SS18: variants seen among roughly 807,000 people sequenced by gnomAD.
SS18 encodes the protein SS18 subunit of BAF chromatin remodeling complex, also known as protein SSXT.
In SS18, 28 loss-of-function variants were observed where a neutral mutation model predicts 72.5. That is an observed-to-expected ratio of 0.39 (90% CI 0.29 to 0.53). The LOEUF (loss-of-function observed/expected upper bound fraction) is 0.53. Ranked by LOEUF, SS18 falls within the 20% of genes least tolerant of loss-of-function variation. The pLI, the probability that SS18 is intolerant of heterozygous loss-of-function variation, is 0.76. For synonymous variants in SS18, 172 were observed against 164.2 expected (o/e 1.05, Z -0.37); for missense variants, 518 against 535.3 (o/e 0.97, Z 0.32).
chr18:26,082,702 TGTA>T (rs1398709506), intron 2 of SS18, among the ~76,000 whole-genome samples: 5 of 152,116 alleles, frequency 3.3e-5, no homozygotes, highest in Non-Finnish European at 7.4e-5. Flanking sequence ...GACTCATGAG[TGTA>T]ATATTTGAAT....
chr18:26,024,740 G>C (rs1041709374), intron 10 of SS18, among the ~76,000 whole-genome samples: 1 of 151,978 alleles, frequency 6.6e-6, no homozygotes, highest in Admixed American at 6.6e-5. Context: ...TCAAAGGAAG[G>C]CAGAAAAAGA....
intron 3 of SS18, among the ~76,000 whole-genome samples, chr18:26,071,590 G>C (rs1277158702): frequency 6.6e-6 from 1 of 152,146 alleles, no homozygotes; most frequent in East Asian, 1.9e-4. Context: ...CAGAACTTTG[G>C]GAGGCCAAGG....
rs746430024 is a variant in SS18 at position 26,035,133 on chromosome 18, G to T, written c.974-6C>A. On this transcript the variant is annotated splice_polypyrimidine_tract_variant and splice_region_variant and intron_variant, in intron 8 of 10. Transcript: ENST00000415083. This position sits in a 1 kb window ranked among gnomAD's most constrained non-coding sequence, Gnocchi z 4.4. ...TTGGCCATACTGTGAATTTCCTACA[G>T]GATAATTGGAGAAGAGGAAAAAAAA... 3 of 1,611,334 alleles carry T rather than the reference G, an allele frequency of 1.9e-6. No homozygotes were observed. The South Asian group carries it at 3.3e-5, about 18-fold the overall frequency.
Position 26,030,923 on chromosome 18 carries a change from C to A in SS18, c.1230+1476G>T, listed in dbSNP as rs994228803. Among the ~76,000 whole-genome samples the A allele has an allele frequency of 3.9e-5, 6 of 152,068 alleles. No individual in the cohort carries two copies. In the East Asian group the frequency reaches 9.6e-4, roughly 24 times the overall value. Reference sequence around the variant, plus strand: ...TCAGAAATATAGAAACTAAAGAAGACCATCTAAAAATGAAAAAGGAAAATG... The same window carrying A: ...TCAGAAATATAGAAACTAAAGAAGAACATCTAAAAATGAAAAAGGAAAATG... On this transcript the variant is annotated intron_variant, in intron 10 of 10. Transcript: ENST00000415083.
At chr18:26,037,931 C>A (rs943682136) in intron 7 of SS18, among the ~76,000 whole-genome samples, 1 of 151,942 alleles carries the variant, frequency 6.6e-6, no homozygotes, top group Non-Finnish European at 1.5e-5. Flanking sequence ...TTTTCACAAG[C>A]CACTTTCTAC....
At chr18:26,087,433 T>C (rs1029530503) in intron 2 of SS18, 68 bp downstream of exon 2, 4 of 820,724 alleles carry the variant, frequency 4.9e-6, no homozygotes, top group Non-Finnish European at 8.2e-6. Flanking sequence ...AATAAAGCTG[T>C]TAGTAAAAAG....
chr18:26,064,322 G>A (rs2054175634), intron 3 of SS18, among the ~76,000 whole-genome samples: 1 of 151,900 alleles, frequency 6.6e-6, no homozygotes, highest in Non-Finnish European at 1.5e-5. Flanking sequence ...ACCTGACAAG[G>A]ACATAAGGAA....
At position 26,027,676 on chromosome 18, in the gene SS18, A is replaced by T. The variant is rs1443187187; in HGVS notation, c.1230+4723T>A. 2.7e-4 allele frequency among the ~76,000 whole-genome samples: 25 copies of T among 93,814 alleles called. 1 individual carries two copies. Among genetic ancestry groups the T allele is most frequent in the African/African-American group, 1.7e-3 (22 of 13,266 alleles). The allele number at this position is 93,814 out of a possible 152,430, so 61.5% of individuals were successfully genotyped here. A position where few individuals can be genotyped will look rare whatever the true frequency, so the allele number is the denominator to read the frequency against. ...GTGACAGAGCGAGACTCATCTAAAA[A>T]AAAAAAAAAAAAAAAAAAAAAAAAA... On this transcript the variant is annotated intron_variant, in intron 10 of 10. Coordinates refer to ENST00000415083, the MANE Select transcript of SS18 (RefSeq NM_001007559.3).
chr18:26,075,547 T>C (rs1032439919), intron 3 of SS18, among the ~76,000 whole-genome samples: 1 of 151,944 alleles, frequency 6.6e-6, no homozygotes, highest in African/African-American at 2.4e-5. Context: ...AACATATAAA[T>C]TTTTACTTAG....
intron 7 of SS18, among the ~76,000 whole-genome samples, chr18:26,037,837 A>G (rs564777429): frequency 6.6e-6 from 1 of 152,154 alleles, no homozygotes; most frequent in Non-Finnish European, 1.5e-5. Flanking sequence ...AAAATTGATG[A>G]AACTGTACTG....
intron 1 of SS18, among the ~76,000 whole-genome samples, chr18:26,088,767 G>C (rs2054661874): frequency 2.0e-5 from 3 of 151,978 alleles, no homozygotes; most frequent in Admixed American, 1.3e-4. Flanking sequence ...CACCCTACCA[G>C]TATTCAAAAG....
Position 26,035,849 on chromosome 18 carries a change from G to A in SS18, c.955C>T (p.Gln319Ter). Residue 319 changes from glutamine (Q) to a stop codon, truncating the protein, a stop_gained, in exon 8 of 11, where the codon CAA becomes TAA. Transcript: ENST00000415083. LOFTEE classifies it high-confidence loss of function. This position sits in a 1 kb window ranked among gnomAD's most constrained non-coding sequence, Gnocchi z 4.4. ...GYDRPYEDSS[Q>*]HYYEGGNSQY... The stretch of plus-strand genomic sequence containing the variant: ...TAGATACCTCCTTCGTAGTAATGTT[G>A]TGAGGAATCCTCATAAGGCCTATCG... 6.3e-7 allele frequency: 1 copy of A among 1,599,868 alleles called. No individual in the cohort carries two copies.
intron 5 of SS18, among the ~76,000 whole-genome samples, chr18:26,050,166 C>A (rs929286935): frequency 1.3e-5 from 2 of 151,216 alleles, no homozygotes; most frequent in African/African-American, 2.4e-5. Flanking sequence ...ACCCAGGAGG[C>A]GGAAGCAGCA....
chr18:26,045,558 A>G (rs902977127), intron 5 of SS18, among the ~76,000 whole-genome samples: 4 of 152,148 alleles, frequency 2.6e-5, no homozygotes, highest in South Asian at 4.1e-4. Flanking sequence ...TTCATAACAC[A>G]TATCATCTGA....
At chr18:26,079,479 TAA>T (rs1404954254) in intron 2 of SS18, among the ~76,000 whole-genome samples, 6 of 152,204 alleles carry the variant, frequency 3.9e-5, no homozygotes, top group African/African-American at 1.4e-4. Flanking sequence ...ATAATAAAAA[TAA>T]GTTTTTTCAG....
intron 10 of SS18, among the ~76,000 whole-genome samples, chr18:26,030,301 T>C (rs564414508): frequency 6.6e-6 from 1 of 152,350 alleles, no homozygotes; most frequent in East Asian, 1.9e-4. Context: ...TCTTTCATCA[T>C]CCACATCTAC....
At chr18:26,086,940 TAAC>T (rs1357324317) in intron 2 of SS18, among the ~76,000 whole-genome samples, 3 of 152,218 alleles carry the variant, frequency 2.0e-5, no homozygotes, top group African/African-American at 7.2e-5. Flanking sequence ...TTTTATAAAT[TAAC>T]AAGTCATACA....
intron 3 of SS18, among the ~76,000 whole-genome samples, chr18:26,072,809 A>C (rs1468432586): frequency 6.6e-6 from 1 of 151,114 alleles, no homozygotes; most frequent in Non-Finnish European, 1.5e-5. Context: ...AAAAAAAAAA[A>C]AAAAAAAAAA....
At chr18:26,054,958 T>C (rs1480540121) in intron 4 of SS18, among the ~76,000 whole-genome samples, 1 of 151,920 alleles carries the variant, frequency 6.6e-6, no homozygotes, top group Non-Finnish European at 1.5e-5. Flanking sequence ...AGGCTGGTCT[T>C]GAACTCCTGA....
Sources: allele counts gnomAD v4.1 joint callset (sites outside exome capture counted in the v4.1 genomes callset), GRCh38; gene constraint gnomAD v4.1.1; non-coding constraint Gnocchi (gnomAD v3.1); transcripts MANE v1.5; gene names NCBI Gene and HGNC (gene_info 2026-07-23, HGNC 2026-07-21).